Variants in ANKRD11 observed in about 807,000 individuals in gnomAD.
The protein encoded by ANKRD11 is ankyrin repeat domain 11.
ANKRD11 carries 17 observed loss-of-function variants against 195.7 expected under a neutral mutation model. That is an observed-to-expected ratio of 0.09 (90% CI 0.06 to 0.13). The LOEUF (loss-of-function observed/expected upper bound fraction) is 0.13, where lower values mean the gene tolerates loss of function less well. ANKRD11 is among the 10% of genes least tolerant of loss of function. The pLI, the probability that ANKRD11 is intolerant of heterozygous loss-of-function variation, is 1.00. For synonymous variants in ANKRD11, 1,953 were observed against 1,528.1 expected (o/e 1.28, Z -6.49); for missense variants, 3,735 against 3,566.1 (o/e 1.05, Z -1.21).
intron 3 of ANKRD11, among the ~76,000 whole-genome samples, chr16:89,315,858 G>T (rs1385606134): frequency 6.6e-6 from 1 of 152,178 alleles, no homozygotes; most frequent in Non-Finnish European, 1.5e-5. Context: ...AACCCCTGCT[G>T]AGCTCACACC....
intron 4 of ANKRD11, among the ~76,000 whole-genome samples, chr16:89,303,478 C>G (rs2151861440): frequency 6.6e-6 from 1 of 152,336 alleles, no homozygotes; most frequent in Middle Eastern, 3.4e-3. Context: ...CCACTCACTT[C>G]CCCGTGTCTC....
At chr16:89,451,429 T>TTTTG (rs2044069225) in intron 1 of ANKRD11, among the ~76,000 whole-genome samples, 2 of 150,694 alleles carry the variant, frequency 1.3e-5, no homozygotes, top group African/African-American at 2.4e-5. Flanking sequence ...TTTTTTTTTT[T>TTTTG]GAGACGAAGC....
At chr16:89,412,753 A>G (rs918665570) in intron 2 of ANKRD11, among the ~76,000 whole-genome samples, 1 of 152,214 alleles carries the variant, frequency 6.6e-6, no homozygotes, top group African/African-American at 2.4e-5. Context: ...ATGGTATTAA[A>G]AAAATAAAAC....
intron 2 of ANKRD11, among the ~76,000 whole-genome samples, chr16:89,414,154 G>C (rs938119753): frequency 2.0e-5 from 3 of 152,190 alleles, no homozygotes; most frequent in Non-Finnish European, 4.4e-5. Flanking sequence ...ATTTCAGCAA[G>C]ACAGAACCTG....
At chr16:89,370,378 C>T (rs975157477) in intron 2 of ANKRD11, among the ~76,000 whole-genome samples, 1 of 152,152 alleles carries the variant, frequency 6.6e-6, no homozygotes, top group African/African-American at 2.4e-5. Context: ...GTACCTGCCC[C>T]AGCCACACCC....
In ANKRD11 at chr16:89,402,142, G is replaced by C. The variant is rs1182275283; in HGVS notation, c.-60+16142C>G. On this transcript the variant is annotated intron_variant, in intron 2 of 12. Coordinates refer to ENST00000301030, the MANE Select transcript of ANKRD11 (RefSeq NM_013275.6). The stretch of plus-strand genomic sequence containing the variant: ...AATCCTGACTTTTCCATAAGGCACT[G>C]AATCTGTGTAACTTTTAGAGTAAGG... 2.0e-5 allele frequency among the ~76,000 whole-genome samples: 3 copies of C among 152,182 alleles called. No homozygotes were observed. The East Asian group carries it at 5.8e-4, about 29-fold the overall frequency.
chr16:89,408,231 C>T (rs752131809), intron 2 of ANKRD11, among the ~76,000 whole-genome samples: 16 of 152,218 alleles, frequency 1.1e-4, no homozygotes, highest in Admixed American at 2.0e-4. Context: ...CTCACACCAG[C>T]GCTGTTCCCT....
intron 1 of ANKRD11, chr16:89,489,140 C>T (rs572104837): frequency 6.6e-6 from 1 of 152,184 alleles, no homozygotes; most frequent in Admixed American, 6.5e-5. Flanking sequence ...TCCCAAATAA[C>T]ACAAACACAA....
intron 1 of ANKRD11, among the ~76,000 whole-genome samples, chr16:89,488,615 T>C (rs1231505213): frequency 6.6e-6 from 1 of 152,196 alleles, no homozygotes; most frequent in Non-Finnish European, 1.5e-5. Flanking sequence ...TTGAACGTTA[T>C]GCCATAGACT....
At chr16:89,448,064 CA>C (rs906401624) in intron 1 of ANKRD11, among the ~76,000 whole-genome samples, 2 of 152,152 alleles carry the variant, frequency 1.3e-5, no homozygotes, top group Non-Finnish European at 2.9e-5. Flanking sequence ...CTTGGCCTCC[CA>C]AAGTGCTGGG....
In ANKRD11 at chr16:89,401,958, CACCGCAGAAG is replaced by C. The variant is rs375284426; in HGVS notation, c.-60+16316_-60+16325del. Among the ~76,000 whole-genome samples the C allele has an allele frequency of 7.8e-3, 1,169 of 150,422 alleles. 22 individuals carry two copies. Among genetic ancestry groups the C allele is most frequent in the African/African-American group, 0.027 (1,105 of 40,750 alleles). ...CAGATGCCCGCCCCCACCCCTCCAG[CACCGCAGAAG>C]GAACCGGCCCTGCAGACAGCTTGGT... is the stretch of plus-strand genomic sequence containing the variant. On this transcript the variant is annotated intron_variant, in intron 2 of 12. Coordinates refer to ENST00000301030, the MANE Select transcript of ANKRD11 (RefSeq NM_013275.6).
At chr16:89,353,350 A>G (rs113461641) in intron 2 of ANKRD11, among the ~76,000 whole-genome samples, 5,066 of 149,488 alleles carry the variant, frequency 0.034, 316 homozygotes, top group African/African-American at 0.12. Context: ...TCCAAAAAAA[A>G]AGAGAGAGAG....
rs71134215 is a variant in ANKRD11 at position 89,388,293 on chromosome 16, A to ATTTT, written c.-60+29987_-60+29990dup. Among the ~76,000 whole-genome samples the ATTTT allele has an allele frequency of 1.5e-4, 13 of 85,296 alleles. 1 individual carries two copies. The highest frequency in any genetic ancestry group is 8.1e-4 in the East Asian group (2 of 2,476). 56.0% of individuals were successfully genotyped at this position (85,296 alleles called of 152,430 possible). ...GTGCTCTCTTCTCTCCATGAGGCTGATTTTTTTTTTTTTTTTTTTTTTGAG... is the reference window on the plus strand; with the variant it reads ...GTGCTCTCTTCTCTCCATGAGGCTGATTTTTTTTTTTTTTTTTTTTTTTTTTGAG... On this transcript the variant is annotated intron_variant, in intron 2 of 12. Transcript: ENST00000301030.
intron 2 of ANKRD11, among the ~76,000 whole-genome samples, chr16:89,417,687 G>C (rs1052131360): frequency 2.6e-5 from 4 of 152,108 alleles, no homozygotes; most frequent in African/African-American, 9.7e-5. Flanking sequence ...CAGAAGCACA[G>C]GACAGCCCGG....
In ANKRD11 at chr16:89,338,425, A is replaced by T. The variant is rs1298453027; in HGVS notation, c.-59-21347T>A. Among the ~76,000 whole-genome samples the T allele has an allele frequency of 3.1e-4, 9 of 28,916 alleles. 1 individual carries two copies. Among genetic ancestry groups the T allele is most frequent in the African/African-American group, 9.4e-4 (5 of 5,330 alleles). 19.0% of individuals were successfully genotyped at this position (28,916 alleles called of 152,430 possible). A position where few individuals can be genotyped will look rare whatever the true frequency, so the allele number is the denominator to read the frequency against. ...TCCTGTACTTAACATACACTCTGTTAAAAAAAAAAAAAAAAAAAAGGACCA... is the reference window on the plus strand; with the variant it reads ...TCCTGTACTTAACATACACTCTGTTTAAAAAAAAAAAAAAAAAAAGGACCA... On this transcript the variant is annotated intron_variant, in intron 2 of 12. Coordinates refer to ENST00000301030, the MANE Select transcript of ANKRD11 (RefSeq NM_013275.6).
intron 9 of ANKRD11, chr16:89,278,607 G>A (rs1386615473): frequency 2.2e-6 from 1 of 458,670 alleles, no homozygotes; most frequent in South Asian, 1.5e-5. Flanking sequence ...TGTCCCAGAA[G>A]CCCAAGGGAG....
chr16:89,290,221 A>G (rs2034937334), intron 6 of ANKRD11, among the ~76,000 whole-genome samples: 1 of 147,728 alleles, frequency 6.8e-6, no homozygotes, highest in Non-Finnish European at 1.5e-5. Context: ...TCACGGCTCC[A>G]ATGGGGGAGG....
At chr16:89,290,555 A>C (rs2034994040) in intron 6 of ANKRD11, 70 bp downstream of exon 6, 1 of 1,532,118 alleles carries the variant, frequency 6.5e-7, no homozygotes, top group African/African-American at 1.4e-5. Flanking sequence ...GGGGAGGCTC[A>C]GGACTCCACT....
chr16:89,282,686 C>T lies in ANKRD11; in HGVS notation c.3856G>A (p.Glu1286Lys), dbSNP rs779425691. The change falls in exon 9 of 13, where the codon GAA becomes AAA. Residue 1286 changes from glutamate to lysine, a missense_variant. By Grantham distance (56) the Glu-to-Lys change is moderately conservative. Coordinates refer to ENST00000301030, the MANE Select transcript of ANKRD11 (RefSeq NM_013275.6). ...AEKSLLEKLEEEALHEYREDS... is the reference protein window; with the variant it reads ...AEKSLLEKLEKEALHEYREDS... ...TCTCTGTACTCATGGAGAGCCTCTT[C>T]TTCCAACTTTTCAAGCAGGCTTTTT... 8.1e-6 allele frequency: 13 copies of T among 1,614,032 alleles called. 1 individual carries two copies. The highest frequency in any genetic ancestry group is 1.6e-4 in the Middle Eastern group (1 of 6,082).
Sources: allele counts gnomAD v4.1 joint callset (sites outside exome capture counted in the v4.1 genomes callset), GRCh38; gene constraint gnomAD v4.1.1; transcripts MANE v1.5; gene names NCBI Gene and HGNC (gene_info 2026-07-23, HGNC 2026-07-21).